ALK: variants seen among roughly 807,000 people sequenced by gnomAD.
ALK encodes the protein ALK tyrosine kinase receptor.
In ALK, 74 loss-of-function variants were observed where a neutral mutation model predicts 163.1. That is an observed-to-expected ratio of 0.45 (90% CI 0.38 to 0.55). The LOEUF is 0.55. Among genes scored for constraint, ALK ranks in the 20% least tolerant of loss-of-function variants. The probability of loss-of-function intolerance (pLI) is 0.00; values close to 1 mark genes in which losing one functional copy is unlikely to be tolerated. For synonymous variants in ALK, 960 were observed against 843.2 expected (o/e 1.14, Z -2.40); for missense variants, 2,063 against 2,105.3 (o/e 0.98, Z 0.39).
At chr2:29,721,137 A>T (rs757064346) in intron 1 of ALK, among the ~76,000 whole-genome samples, 9 of 152,104 alleles carry the variant, frequency 5.9e-5, no homozygotes, top group Non-Finnish European at 1.3e-4. Context: ...TTTTCTGATG[A>T]TTTCTTAAGC....
chr2:29,309,392 A>G (rs1468370582), intron 8 of ALK, among the ~76,000 whole-genome samples: 1 of 152,226 alleles, frequency 6.6e-6, no homozygotes, highest in Non-Finnish European at 1.5e-5. Flanking sequence ...ATTCACACCC[A>G]GGGGCTGAGA....
At chr2:29,622,570 G>C (rs1002250400) in intron 3 of ALK, among the ~76,000 whole-genome samples, 13 of 152,172 alleles carry the variant, frequency 8.5e-5, no homozygotes, top group Admixed American at 5.2e-4. Context: ...ATTTGGGTGG[G>C]GACACAGCAA....
chr2:29,770,988 CACAG>C (rs1395238622), intron 1 of ALK, among the ~76,000 whole-genome samples: 17 of 145,128 alleles, frequency 1.2e-4, no homozygotes, highest in Non-Finnish European at 8.9e-5. Flanking sequence ...TACACAGAAA[CACAG>C]ACACACACAT....
At chr2:29,678,231 G>T (rs551899225) in intron 3 of ALK, among the ~76,000 whole-genome samples, 2 of 151,702 alleles carry the variant, frequency 1.3e-5, no homozygotes, top group South Asian at 4.2e-4. Flanking sequence ...TATCAATTTT[G>T]TTATTCTTTT....
chr2:29,515,572 G>A lies in ALK; in HGVS notation c.1154+16343C>T, dbSNP rs367850106. 7.8e-4 allele frequency among the ~76,000 whole-genome samples: 118 copies of A among 152,184 alleles called. 4 individuals are homozygous for A. The South Asian group carries it at 0.024, about 31-fold the overall frequency. On this transcript the variant is annotated intron_variant, in intron 4 of 28. Transcript: ENST00000389048. Reference sequence around the variant, plus strand: ...ACCTCACCAAGATGGTAGGGGTGGGGATAGGGGGAGGCATAATGGGATCAT... The same window carrying A: ...ACCTCACCAAGATGGTAGGGGTGGGAATAGGGGGAGGCATAATGGGATCAT...
chr2:29,536,015 G>A (rs1356761268), intron 3 of ALK, among the ~76,000 whole-genome samples: 2 of 152,116 alleles, frequency 1.3e-5, no homozygotes. Flanking sequence ...CCCTAGGAAG[G>A]GCTCCTGTAC....
chr2:29,639,457 A>G (rs529112357), intron 3 of ALK, among the ~76,000 whole-genome samples: 8 of 152,200 alleles, frequency 5.3e-5, no homozygotes, highest in Non-Finnish European at 1.2e-4. Flanking sequence ...TCTTTCTTTC[A>G]TATATCTCCT....
chr2:29,505,021 T>A (rs1672280921), intron 4 of ALK, among the ~76,000 whole-genome samples: 1 of 152,128 alleles, frequency 6.6e-6, no homozygotes, highest in Admixed American at 6.5e-5. Flanking sequence ...CCAGACTACT[T>A]GTGGCCTGTG....
At chr2:29,228,132 C>T (rs1056925277) in intron 16 of ALK, among the ~76,000 whole-genome samples, 8 of 152,196 alleles carry the variant, frequency 5.3e-5, no homozygotes, top group African/African-American at 1.9e-4. Flanking sequence ...CTCCTTTCAT[C>T]TGGGGCTGGG....
intron 26 of ALK, among the ~76,000 whole-genome samples, chr2:29,200,760 T>TGTATATATATAC (rs1553389062): frequency 0.011 from 1,113 of 104,806 alleles, 49 homozygotes; most frequent in African/African-American, 0.051. Context: ...TACGTATATA[T>TGTATATATATAC]GTATATATAT....
intron 3 of ALK, among the ~76,000 whole-genome samples, chr2:29,595,468 C>T (rs1353582392): frequency 2.0e-5 from 3 of 152,026 alleles, no homozygotes; most frequent in Admixed American, 6.6e-5. Context: ...CTACAGGCGC[C>T]CACCACCACG....
chr2:29,903,923 G>C (rs909785668), intron 1 of ALK, among the ~76,000 whole-genome samples: 1 of 152,108 alleles, frequency 6.6e-6, no homozygotes, highest in African/African-American at 2.4e-5. Context: ...TAGAATCATA[G>C]GATTTTAATA....
At position 29,819,900 on chromosome 2, in the gene ALK, T is replaced by C. The variant is rs370625057; in HGVS notation, c.667+100093A>G. On this transcript the variant is annotated intron_variant, in intron 1 of 28. Coordinates refer to ENST00000389048, the MANE Select transcript of ALK (RefSeq NM_004304.5). ...AGAATGAAATGTGTCTTTCTTGGGT[T>C]TGGGCCCCAATGCAGGTGAGGAACA... Among the ~76,000 whole-genome samples the C allele has an allele frequency of 1.0e-3, 153 of 152,300 alleles. 1 individual carries two copies. Among genetic ancestry groups the C allele is most frequent in the African/African-American group, 3.5e-3 (146 of 41,578 alleles).
At chr2:29,325,627 G>C (rs1291185472) in intron 6 of ALK, among the ~76,000 whole-genome samples, 1 of 152,226 alleles carries the variant, frequency 6.6e-6, no homozygotes, top group East Asian at 1.9e-4. Context: ...TCGTGAAACA[G>C]AGTTTACCCT....
intron 3 of ALK, among the ~76,000 whole-genome samples, chr2:29,535,063 T>C (rs1419267388): frequency 6.6e-6 from 1 of 152,224 alleles, no homozygotes; most frequent in Non-Finnish European, 1.5e-5. Context: ...ATAAATCTTT[T>C]AAAGTCAGTA....
At chr2:29,703,645 AAATAGTATTCC>A (rs1477915043) in intron 2 of ALK, among the ~76,000 whole-genome samples, 6 of 152,220 alleles carry the variant, frequency 3.9e-5, no homozygotes, top group Non-Finnish European at 7.3e-5. Flanking sequence ...TCATCCTGAG[AAATAGTATTCC>A]AATTGTCAAT....
intron 3 of ALK, among the ~76,000 whole-genome samples, chr2:29,594,698 A>G (rs1188069856): frequency 2.6e-5 from 4 of 151,844 alleles, no homozygotes; most frequent in African/African-American, 9.7e-5. Flanking sequence ...AAGTGCTGGG[A>G]TTACAGGTGT....
At chr2:29,320,284 G>A (rs958819999) in intron 7 of ALK, among the ~76,000 whole-genome samples, 4 of 152,176 alleles carry the variant, frequency 2.6e-5, no homozygotes, top group African/African-American at 9.7e-5. Flanking sequence ...GATGGCTGGA[G>A]AGGCTGTGCT....
intron 4 of ALK, among the ~76,000 whole-genome samples, chr2:29,513,644 C>T (rs1428656742): frequency 6.6e-6 from 1 of 151,794 alleles, no homozygotes; most frequent in Non-Finnish European, 1.5e-5. Flanking sequence ...ACAAAATTGA[C>T]AAATGGGATC....
Sources: gnomAD v4.1 joint callset for allele counts (sites outside exome capture counted in the v4.1 genomes callset) on GRCh38, gnomAD v4.1.1 for gene constraint, MANE v1.5 for transcripts, NCBI Gene and HGNC (gene_info 2026-07-23, HGNC 2026-07-21) for gene names.